Variants in MACF1 observed in about 807,000 individuals in gnomAD.
MACF1 encodes the protein microtubule actin crosslinking factor 1.
MACF1 carries 193 observed loss-of-function variants against 854.8 expected under a neutral mutation model. That is an observed-to-expected ratio of 0.23 (90% CI 0.20 to 0.25). MACF1 has a LOEUF of 0.25. MACF1 is among the 10% of genes least tolerant of loss of function. The pLI, the probability that MACF1 is intolerant of heterozygous loss-of-function variation, is 1.00. For synonymous variants in MACF1, 3,185 were observed against 3,226.7 expected, an observed-to-expected ratio of 0.99 and a Z score of 0.44; for missense variants, 7,722 against 8,929.1, an observed-to-expected ratio of 0.86 and a Z score of 5.45.
At chr1:39,341,418 G>A (rs1347574917) in intron 40 of MACF1, among the ~76,000 whole-genome samples, 5 of 150,722 alleles carry the variant, frequency 3.3e-5, no homozygotes, top group Admixed American at 6.6e-5. Flanking sequence ...ATCCCTGGCC[G>A]GCCATGGCAG....
intron 2 of MACF1, among the ~76,000 whole-genome samples, chr1:39,135,163 C>G (rs1300057264): frequency 6.6e-6 from 1 of 152,130 alleles, no homozygotes; most frequent in Non-Finnish European, 1.5e-5. Context: ...ATGTATCTAC[C>G]ACATTTTATT....
chr1:39,330,180 T>C (rs533513776), intron 36 of MACF1, among the ~76,000 whole-genome samples: 1 of 152,320 alleles, frequency 6.6e-6, no homozygotes, highest in South Asian at 2.1e-4. Flanking sequence ...AAGTTACTAG[T>C]GGTTCCATAG....
chr1:39,418,145 TGTGTTGGGGCTGAGGG>T (rs1165171071), intron 58 of MACF1, among the ~76,000 whole-genome samples: 6 of 152,178 alleles, frequency 3.9e-5, no homozygotes, highest in African/African-American at 1.4e-4. Flanking sequence ...TTGTGGCTTC[TGTGTTGGGGCTGAGGG>T]AGTTATCAAG....
Position 39,332,040 on chromosome 1 carries a change from A to C in MACF1, c.5452A>C (p.Thr1818Pro). 6.2e-7 allele frequency: 1 copy of C among 1,614,054 alleles called. No homozygotes were observed. Among genetic ancestry groups the C allele is most frequent in the Non-Finnish European group, 8.5e-7 (1 of 1,179,990 alleles). The change falls in exon 37 of 101, where the codon ACG becomes CCG. Residue 1818 changes from threonine (T) to proline (P), a missense_variant. By Grantham distance (38) the Thr-to-Pro change is conservative (BLOSUM62 -1). Transcript: ENST00000564288. ...GACAGGAGGCATCATAGACACTGTC[A>C]CGGGGCAAAGGCTAACAATAGATGA... ...LQTGGIIDTV[T>P]GQRLTIDEAV...
chr1:39,364,816 A>G (rs897271007), intron 49 of MACF1, among the ~76,000 whole-genome samples: 2 of 152,152 alleles, frequency 1.3e-5, no homozygotes, highest in African/African-American at 2.4e-5. Flanking sequence ...TTTGTTCTAC[A>G]TAGAAGATTT....
At chr1:39,353,535 C>CA (rs1647275491) in intron 44 of MACF1, among the ~76,000 whole-genome samples, 1 of 152,172 alleles carries the variant, frequency 6.6e-6, no homozygotes, top group African/African-American at 2.4e-5. Context: ...TGGGCAGTCT[C>CA]ATCTACTCAC....
intron 50 of MACF1, among the ~76,000 whole-genome samples, chr1:39,369,059 G>A (rs1186155651): frequency 7.4e-6 from 1 of 134,412 alleles, no homozygotes; most frequent in Admixed American, 7.8e-5. Context: ...GGCTACTTGT[G>A]AACTCCTGGC....
intron 56 of MACF1, among the ~76,000 whole-genome samples, chr1:39,384,920 T>C (rs979926979): frequency 6.6e-6 from 1 of 152,194 alleles, no homozygotes; most frequent in Non-Finnish European, 1.5e-5. Context: ...ATAGGAACAA[T>C]CAGTGATCCT....
At chr1:39,294,652 C>T (rs12072203) in intron 18 of MACF1, among the ~76,000 whole-genome samples, 69 of 152,300 alleles carry the variant, frequency 4.5e-4, no homozygotes, top group African/African-American at 1.6e-3. Context: ...AATTTAGAGT[C>T]AGTGGAGGAC....
chr1:39,278,451 G>A (rs1453721429), intron 6 of MACF1, among the ~76,000 whole-genome samples: 1 of 152,104 alleles, frequency 6.6e-6, no homozygotes, highest in Admixed American at 6.6e-5. Flanking sequence ...AGTAGTTTTA[G>A]TGCAATATAC....
intron 58 of MACF1, among the ~76,000 whole-genome samples, chr1:39,406,131 G>A (rs1157899147): frequency 6.6e-6 from 1 of 152,110 alleles, no homozygotes; most frequent in Non-Finnish European, 1.5e-5. Flanking sequence ...GGGTTCTGGG[G>A]TTTTTTTGGA....
At chr1:39,339,015 A>G (rs191881228) in intron 38 of MACF1, among the ~76,000 whole-genome samples, 5 of 152,356 alleles carry the variant, frequency 3.3e-5, no homozygotes, top group Admixed American at 2.0e-4. Context: ...ACAGTGGCTC[A>G]TGCCTATAAT....
chr1:39,358,880 C>A lies in MACF1; in HGVS notation c.12120+7C>A. ...GCAGCTTGCAACAACAAAGGTAAGT[C>A]AGGACACAGGCTGTGTTGTGGTGTC... On this transcript the variant is annotated splice_region_variant and intron_variant, in intron 46 of 100. Coordinates refer to ENST00000564288, the MANE Select transcript of MACF1 (RefSeq NM_001394062.1). 2 of 1,603,760 alleles carry A rather than the reference C, an allele frequency of 1.2e-6. No individual in the cohort carries two copies. The highest frequency in any genetic ancestry group is 1.1e-5 in the South Asian group (1 of 90,044).
chr1:39,209,298 A>G (rs1367579149), intron 1 of MACF1, among the ~76,000 whole-genome samples: 1 of 152,162 alleles, frequency 6.6e-6, no homozygotes, highest in East Asian at 1.9e-4. Flanking sequence ...AGCAGGAACC[A>G]TGCCCTGTTC....
chr1:39,291,751 C>T (rs927077618), intron 15 of MACF1, among the ~76,000 whole-genome samples, 159 bp from the exon 16 acceptor site: 52 of 152,224 alleles, frequency 3.4e-4, no homozygotes, highest in Middle Eastern at 3.4e-3. Context: ...GTGATGATGG[C>T]GTAATTTTTG....
At chr1:39,112,630 A>T (rs1222799489) in intron 2 of MACF1, among the ~76,000 whole-genome samples, 1 of 152,180 alleles carries the variant, frequency 6.6e-6, no homozygotes, top group Admixed American at 6.5e-5. Context: ...GCATTAAGCC[A>T]AGATGACACC....
intron 58 of MACF1, among the ~76,000 whole-genome samples, chr1:39,399,371 C>CTTTTTTTTTTTTTTTT (rs1330401656): frequency 1.0e-5 from 1 of 96,746 alleles, no homozygotes; most frequent in Admixed American, 1.2e-4. Flanking sequence ...CTTTATAAAG[C>CTTTTTTTTTTTTTTTT]TTTTTTTTTT....
At chr1:39,424,704 A>G (rs1248255331) in intron 61 of MACF1, among the ~76,000 whole-genome samples, 1 of 152,258 alleles carries the variant, frequency 6.6e-6, no homozygotes, top group Non-Finnish European at 1.5e-5. Context: ...TCAAAAAGAC[A>G]GGCAACAAAT....
rs572826388 is a variant in MACF1 at position 39,473,949 on chromosome 1, G to T, written c.21958+4334G>T. ...GACTCTGCCCATGAAGATGGAGAAG[G>T]TATCAGGAAAAGGACATAATTGGGC... On this transcript the variant is annotated intron_variant, in intron 97 of 100. Transcript: ENST00000564288. Among the ~76,000 whole-genome samples, 4 of 152,272 alleles carry T rather than the reference G, an allele frequency of 2.6e-5. No homozygotes were observed. In the South Asian group the frequency reaches 8.3e-4, roughly 32 times the overall value.
Sources: gnomAD v4.1 joint callset for allele counts (sites outside exome capture counted in the v4.1 genomes callset) on GRCh38, gnomAD v4.1.1 for gene constraint, MANE v1.5 for transcripts, NCBI Gene and HGNC (gene_info 2026-07-23, HGNC 2026-07-21) for gene names.